NUDT12: variants seen among roughly 807,000 people sequenced by gnomAD.
NUDT12 encodes the protein NAD-capped RNA hydrolase NUDT12.
In NUDT12, 42 loss-of-function variants were observed where a neutral mutation model predicts 45.7. The ratio of observed to expected loss-of-function variants is 0.92; its 90% CI spans 0.72 to 1.19. NUDT12 has a LOEUF of 1.19. NUDT12 is among the 50% of genes most tolerant of loss of function. The pLI is 0.00. For synonymous variants in NUDT12, 206 were observed against 179.7 expected (o/e 1.15, Z -1.17); for missense variants, 590 against 533.1 (o/e 1.11, Z -1.05).
chr5:103,557,290 T>TATATATATATATATATAC (rs1344991725), intron 3 of NUDT12, among the ~76,000 whole-genome samples: 27 of 144,870 alleles, frequency 1.9e-4, no homozygotes, highest in African/African-American at 6.5e-4. Context: ...GATATATATA[T>TATATATATATATATATAC]ATATATATAT....
At position 103,559,056 on chromosome 5, in the gene NUDT12, C is replaced by A; in HGVS notation, c.619G>T (p.Asp207Tyr). 1 of 1,613,444 alleles carries A rather than the reference C, an allele frequency of 6.2e-7. No individual in the cohort carries two copies. Among genetic ancestry groups the A allele is most frequent in the South Asian group, 1.1e-5 (1 of 90,956 alleles). ...TCACCAGCATAATTAAGTAGTTTGTCTTTTATTTCAAGTTCTACTCCAAGA... is the reference window on the plus strand; with the variant it reads ...TCACCAGCATAATTAAGTAGTTTGTATTTTATTTCAAGTTCTACTCCAAGA... Reference protein sequence around the residue: ...IFLGVELEIKDKLLNYAGEVP... With the variant: ...IFLGVELEIKYKLLNYAGEVP... Residue 207 changes from aspartate to tyrosine, a missense_variant, in exon 3 of 7, where the codon GAC becomes TAC. Physicochemically the swap from Asp to Tyr is radical, Grantham distance 160 (BLOSUM62 -3). Transcript: ENST00000230792.
chr5:103,561,261 T>C (rs1006752818), intron 1 of NUDT12, among the ~76,000 whole-genome samples: 1 of 152,186 alleles, frequency 6.6e-6, no homozygotes, highest in African/African-American at 2.4e-5. Context: ...TTATAGCCCA[T>C]AGTTTTTGAT....
At chr5:103,552,443 T>C (rs200658684) in intron 5 of NUDT12, 27 bp from the exon 6 acceptor site, 2 of 1,577,920 alleles carry the variant, frequency 1.3e-6, no homozygotes, top group African/African-American at 1.3e-5. Flanking sequence ...AAAGAACAAG[T>C]TGCTGATGAA....
At chr5:103,561,696 C>G (rs1463033582) in intron 1 of NUDT12, among the ~76,000 whole-genome samples, 1 of 152,166 alleles carries the variant, frequency 6.6e-6, no homozygotes, top group East Asian at 1.9e-4. Flanking sequence ...TTGTCTTTCT[C>G]TTAAGTTTAT....
At chr5:103,553,492 G>A (rs1467890818) in intron 5 of NUDT12, among the ~76,000 whole-genome samples, 3 of 152,080 alleles carry the variant, frequency 2.0e-5, no homozygotes, top group East Asian at 3.9e-4. Flanking sequence ...TGGTGAAGAT[G>A]TGGAATAATG....
At chr5:103,553,361 C>T (rs1399974691) in intron 5 of NUDT12, among the ~76,000 whole-genome samples, 1 of 151,842 alleles carries the variant, frequency 6.6e-6, no homozygotes, top group Non-Finnish European at 1.5e-5. Flanking sequence ...GAAAAGAAAA[C>T]TGAATGCCTA....
At position 103,550,866 on chromosome 5, in the gene NUDT12, G is replaced by A; in HGVS notation, c.1384C>T (p.Leu462Phe). ...TCAAAGCTTAGTTCTTAGATTTAGA[G>A]ATTAGGATTTATTCTAATCCAGTGT... The part of the protein sequence containing the change: ...IKHWIRINPN[L>F] The change falls in exon 7 of 7, where the codon CTC (leucine) becomes TTC (phenylalanine). Residue 462 changes from leucine to phenylalanine, a missense_variant. Physicochemically the swap from Leu to Phe is conservative, Grantham distance 22 (BLOSUM62 0). Coordinates refer to ENST00000230792, the MANE Select transcript of NUDT12 (RefSeq NM_031438.4). 1.3e-6 allele frequency: 2 copies of A among 1,599,566 alleles called. No homozygotes were observed. The highest frequency in any genetic ancestry group is 1.1e-5 in the South Asian group (1 of 90,772).
chr5:103,560,555 G>T (rs1044336988), intron 1 of NUDT12, among the ~76,000 whole-genome samples: 1 of 147,786 alleles, frequency 6.8e-6, no homozygotes, highest in South Asian at 2.2e-4. Context: ...TACATAAGGA[G>T]GAGGTATTTA....
Position 103,560,009 on chromosome 5 carries a change from A to C in NUDT12, c.206+34T>G, listed in dbSNP as rs78877879. On this transcript the variant is annotated intron_variant, in intron 2 of 6. Transcript: ENST00000230792. ...TATGTAACAAAGAAATTAAACCACA[A>C]ACCCTTTCAGGTGGTACAGCCTAAA... is the stretch of plus-strand genomic sequence containing the variant. The C allele has an allele frequency of 1.4e-3, 1,992 of 1,455,846 alleles. 17 individuals carry two copies. The African/African-American group carries it at 0.024, about 18-fold the overall frequency. 90.2% of individuals were successfully genotyped at this position (1,455,846 alleles called of 1,614,324 possible). A position where few individuals can be genotyped will look rare whatever the true frequency, so the allele number is the denominator to read the frequency against.
At chr5:103,558,526 A>G (rs771648074) in intron 3 of NUDT12, among the ~76,000 whole-genome samples, 1 of 152,104 alleles carries the variant, frequency 6.6e-6, no homozygotes, top group Non-Finnish European at 1.5e-5. Context: ...TCAAACCCCA[A>G]TTTCTTACCA....
At chr5:103,559,706 A>G in intron 2 of NUDT12, 4 of 435,150 alleles carry the variant, frequency 9.2e-6, no homozygotes, top group Middle Eastern at 6.1e-4. Flanking sequence ...TACTCACAAA[A>G]TAAAACAGTA....
chr5:103,562,420 C>T (rs1749061386), intron 1 of NUDT12, among the ~76,000 whole-genome samples: 1 of 152,288 alleles, frequency 6.6e-6, no homozygotes, highest in South Asian at 2.1e-4. Context: ...GAGATTCCTT[C>T]TTTCGAGGTG....
intron 4 of NUDT12, among the ~76,000 whole-genome samples, chr5:103,555,567 A>G (rs1748787163): frequency 6.6e-6 from 1 of 152,058 alleles, no homozygotes; most frequent in African/African-American, 2.4e-5. Context: ...GAATACAGGC[A>G]GACATTAACA....
At chr5:103,559,677 C>T (rs1748969234) in intron 2 of NUDT12, 2 of 441,324 alleles carry the variant, frequency 4.5e-6, no homozygotes, top group African/African-American at 2.0e-5. Flanking sequence ...ACAGTGGATA[C>T]TTACACTTTC....
intron 1 of NUDT12, among the ~76,000 whole-genome samples, chr5:103,561,688 GTCTTTC>G (rs1749037104): frequency 6.6e-6 from 1 of 152,114 alleles, no homozygotes; most frequent in African/African-American, 2.4e-5. Flanking sequence ...CTTCCAAATT[GTCTTTC>G]TCTTAAGTTT....
Position 103,554,859 on chromosome 5 carries a change from G to GAAAAA in NUDT12, c.965-11_965-7dup. ...TTGCATGATTACTACTGGATCTGTT[G>GAAAAA]AAAAAAAAAATCAGATACATGAATG... On this transcript the variant is annotated splice_polypyrimidine_tract_variant and splice_region_variant and intron_variant, in intron 4 of 6. Transcript: ENST00000230792. 2 of 1,016,520 alleles carry GAAAAA rather than the reference G, an allele frequency of 2.0e-6. No individual in the cohort carries two copies. The highest frequency in any genetic ancestry group is 2.9e-6 in the Non-Finnish European group (2 of 699,976). 63.0% of individuals were successfully genotyped at this position (1,016,520 alleles called of 1,614,324 possible). A position where few individuals can be genotyped will look rare whatever the true frequency, so the allele number is the denominator to read the frequency against.
rs1748593023 is a variant in NUDT12 at position 103,549,725 on chromosome 5, C to T, written c.*1136G>A. ...TGCAAATTATACAAATTTTGATATT[C>T]ATAAACTATAATAGCTATTAAATCA... On this transcript the variant is annotated 3_prime_UTR_variant, in exon 7 of 7. Transcript: ENST00000230792. The T allele has an allele frequency of 6.6e-6, 1 of 151,980 alleles. No homozygotes were observed. Among genetic ancestry groups the T allele is most frequent in the South Asian group, 2.1e-4 (1 of 4,818 alleles). The allele number at this position is 151,980 out of a possible 1,614,324, so 9.4% of individuals were successfully genotyped here. A position where few individuals can be genotyped will look rare whatever the true frequency, so the allele number is the denominator to read the frequency against.
At chr5:103,554,584 C>A in intron 5 of NUDT12, 156 bp downstream of exon 5, 1 of 352,570 alleles carries the variant, frequency 2.8e-6, no homozygotes, top group Non-Finnish European at 5.1e-6. Context: ...ATGAGAATTA[C>A]ATGTTTATAT....
Position 103,550,065 on chromosome 5 carries a change from T to C in NUDT12, c.*796A>G, listed in dbSNP as rs1439266455. ...ATCCGACCTTTGAGGAGAATTCCTT[T>C]CAAGTTTAATTTCAGTGCAAAAGCA... is the stretch of plus-strand genomic sequence containing the variant. On this transcript the variant is annotated 3_prime_UTR_variant, in exon 7 of 7. Transcript: ENST00000230792. 1.3e-5 allele frequency: 2 copies of C among 152,182 alleles called. No homozygotes were observed. The highest frequency in any genetic ancestry group is 4.8e-5 in the African/African-American group (2 of 41,456). 9.4% of individuals were successfully genotyped at this position (152,182 alleles called of 1,614,324 possible).
Sources: gnomAD v4.1 joint callset for allele counts (sites outside exome capture counted in the v4.1 genomes callset) on GRCh38, gnomAD v4.1.1 for gene constraint, MANE v1.5 for transcripts, NCBI Gene and HGNC (gene_info 2026-07-23, HGNC 2026-07-21) for gene names.